RANGAP1: variants seen among roughly 807,000 people sequenced by gnomAD.
RANGAP1 encodes the protein Ran GTPase activating protein 1.
Under a neutral mutation model 63.5 loss-of-function variants are expected in RANGAP1, and 38 were observed. That is an observed-to-expected ratio of 0.60 (90% CI 0.46 to 0.78). RANGAP1 has a LOEUF of 0.78. Among genes scored for constraint, RANGAP1 ranks in the 30% least tolerant of loss-of-function variants. RANGAP1 has a pLI of 0.00. For synonymous variants in RANGAP1, 329 were observed against 310.5 expected, an observed-to-expected ratio of 1.06 and a Z score of -0.63; for missense variants, 630 against 740.3, an observed-to-expected ratio of 0.85 and a Z score of 1.73.
upstream of RANGAP1, among the ~76,000 whole-genome samples, chr22:41,290,467 G>T (rs2035826615): frequency 6.6e-6 from 1 of 152,070 alleles, no homozygotes; most frequent in Non-Finnish European, 1.5e-5. Context: ...TGACTCAGGT[G>T]ATCCACCCAC....
At chr22:41,267,535 G>C (rs930020423) in intron 4 of RANGAP1, among the ~76,000 whole-genome samples, 3 of 152,120 alleles carry the variant, frequency 2.0e-5, no homozygotes, top group African/African-American at 7.2e-5. Context: ...TCTGTGTTCT[G>C]TGTTGCCTCT....
chr22:41,297,028 C>T, the RANGAP1 span, among the ~76,000 whole-genome samples: 32 of 152,072 alleles, frequency 2.1e-4, no homozygotes, highest in African/African-American at 6.8e-4. Context: ...CTGGTAAATA[C>T]GGTGAAAACC....
At chr22:41,270,905 G>A (rs770129087) in intron 3 of RANGAP1, among the ~76,000 whole-genome samples, 10 of 150,652 alleles carry the variant, frequency 6.6e-5, no homozygotes, top group South Asian at 2.1e-4. Flanking sequence ...CAGGTCATTC[G>A]GAACAAAGCT....
rs533715928 is a variant in RANGAP1, at chr22:41,274,635, T to C, written c.205A>G (p.Ile69Val). 13 of 1,614,232 alleles carry C rather than the reference T, an allele frequency of 8.1e-6. 1 individual carries two copies. The Admixed American group carries it at 1.8e-4, about 23-fold the overall frequency. Residue 69 changes from isoleucine (I) to valine (V), a missense_variant, in exon 3 of 16, where the codon ATC (isoleucine) becomes GTC (valine). Around this residue, in one of 3 missense-constraint regions of RANGAP1, gnomAD observed 137 missense variants for 214.3 expected, o/e 0.64. Coordinates refer to ENST00000356244, the MANE Select transcript of RANGAP1 (RefSeq NM_002883.4). ...NTVGVEAARV[I>V]AKALEKKSEL... is the part of the protein sequence containing the mutation. ...GACTTCTTCTCTAAGGCCTTGGCGA[T>C]GACCCTGGCTGCTTCCACGCCCACT...
chr22:41,285,546 C>T (rs1415036407), intron 1 of RANGAP1: 5 of 985,340 alleles, frequency 5.1e-6, no homozygotes, highest in Non-Finnish European at 6.0e-6. Context: ...TGACTCACAT[C>T]GATTCCAGGG....
intron 2 of RANGAP1, among the ~76,000 whole-genome samples, chr22:41,277,784 G>A (rs1160406933): frequency 6.6e-6 from 1 of 152,146 alleles, no homozygotes; most frequent in African/African-American, 2.4e-5. Flanking sequence ...CTTCCTGGGT[G>A]CTCTTAAAGT....
the RANGAP1 span, among the ~76,000 whole-genome samples, chr22:41,299,088 C>A: frequency 6.6e-6 from 1 of 152,090 alleles, no homozygotes. Flanking sequence ...CTCCCAAAGG[C>A]CCCACCTCCT....
At chr22:41,259,148 C>G (rs776632646) in intron 6 of RANGAP1, among the ~76,000 whole-genome samples, 28 of 152,160 alleles carry the variant, frequency 1.8e-4, no homozygotes, top group Non-Finnish European at 3.7e-4. Flanking sequence ...TATATTCCGT[C>G]TGCATCCCAT....
chr22:41,270,736 C>T (rs1275277332), intron 3 of RANGAP1, among the ~76,000 whole-genome samples: 1 of 152,194 alleles, frequency 6.6e-6, no homozygotes, highest in Admixed American at 6.5e-5. Flanking sequence ...GCAGAAAAAT[C>T]CGCATATCCA....
rs977270742 is a variant in RANGAP1 at position 41,254,566 on chromosome 22, T to C, written c.1074-72A>G. 1.5e-5 allele frequency: 22 copies of C among 1,508,998 alleles called. No individual in the cohort carries two copies. The African/African-American group carries it at 2.1e-4, about 14-fold the overall frequency. 93.5% of individuals were successfully genotyped at this position (1,508,998 alleles called of 1,614,324 possible). A position where few individuals can be genotyped will look rare whatever the true frequency, so the allele number is the denominator to read the frequency against. ...AGGTTGGCTCTAAGGCCTGGCTCCA[T>C]GAGCCCAGAGACCTCACCTCAGCCA... is the stretch of plus-strand genomic sequence containing the variant. On this transcript the variant is annotated intron_variant, in intron 10 of 15. Coordinates refer to ENST00000356244, the MANE Select transcript of RANGAP1 (RefSeq NM_002883.4).
intron 2 of RANGAP1, among the ~76,000 whole-genome samples, chr22:41,276,088 A>T (rs1368563244): frequency 6.6e-6 from 1 of 152,232 alleles, no homozygotes; most frequent in Non-Finnish European, 1.5e-5. Context: ...AATCTGTTAT[A>T]GCAATAAGTG....
intron 2 of RANGAP1, among the ~76,000 whole-genome samples, chr22:41,275,303 G>A (rs758738287): frequency 6.6e-6 from 1 of 152,008 alleles, no homozygotes; most frequent in South Asian, 2.1e-4. Context: ...GACCAGCCTG[G>A]GCAACATGGT....
At chr22:41,271,399 A>C (rs972486504) in intron 3 of RANGAP1, among the ~76,000 whole-genome samples, 6 of 150,626 alleles carry the variant, frequency 4.0e-5, no homozygotes, top group South Asian at 2.1e-4. Flanking sequence ...AAAAAAACAA[A>C]AAAAAAAAAC....
intron 3 of RANGAP1, among the ~76,000 whole-genome samples, chr22:41,272,545 G>A (rs1411130853): frequency 6.6e-6 from 1 of 151,492 alleles, no homozygotes; most frequent in Non-Finnish European, 1.5e-5. Flanking sequence ...TTTTTGAGAT[G>A]GAGTCTCGCT....
At chr22:41,258,694 G>C (rs749722268) in intron 6 of RANGAP1, among the ~76,000 whole-genome samples, 1 of 151,034 alleles carries the variant, frequency 6.6e-6, no homozygotes, top group Non-Finnish European at 1.5e-5. Flanking sequence ...TCGTTCCGTC[G>C]CCCAGGCTGG....
At chr22:41,279,286 A>G (rs1414462818) in intron 2 of RANGAP1, among the ~76,000 whole-genome samples, 1 of 152,152 alleles carries the variant, frequency 6.6e-6, no homozygotes. Context: ...CCTGTCCAAC[A>G]TGGTAAAACC....
chr22:41,284,679 C>T (rs997037041), intron 1 of RANGAP1, among the ~76,000 whole-genome samples: 3 of 152,198 alleles, frequency 2.0e-5, no homozygotes, highest in African/African-American at 7.2e-5. Context: ...AGAAACCAGC[C>T]TGGGCAGTAT....
chr22:41,265,432 C>T lies in RANGAP1; in HGVS notation c.301-589G>A, dbSNP rs377166850. 4.6e-4 allele frequency among the ~76,000 whole-genome samples: 70 copies of T among 152,342 alleles called. No homozygotes were observed. The South Asian group carries it at 0.014, about 32-fold the overall frequency. ...CACCCAGGAGTGTGAGGCAGCGACACTGGCAACAGAGGGGACCTGCCAGCC... is the reference window on the plus strand; with the variant it reads ...CACCCAGGAGTGTGAGGCAGCGACATTGGCAACAGAGGGGACCTGCCAGCC... On this transcript the variant is annotated intron_variant, in intron 4 of 15. Transcript: ENST00000356244.
At chr22:41,249,526 C>G in intron 14 of RANGAP1, 75 bp from the exon 15 acceptor site, 4 of 1,596,556 alleles carry the variant, frequency 2.5e-6, no homozygotes. Flanking sequence ...ACCATCCAGA[C>G]TCTGCTGATA....
Sources: allele counts gnomAD v4.1 joint callset (sites outside exome capture counted in the v4.1 genomes callset), GRCh38; gene constraint gnomAD v4.1.1; regional missense constraint gnomAD v4.1.1; transcripts MANE v1.5; gene names NCBI Gene and HGNC (gene_info 2026-07-23, HGNC 2026-07-21).